The following FAM107B variants were observed in gnomAD, a reference collection of about 807,000 sequenced individuals.
FAM107B encodes the protein protein FAM107B.
In FAM107B, 21 loss-of-function variants were observed where a neutral mutation model predicts 31.5. The ratio of observed to expected loss-of-function variants is 0.67; its 90% CI spans 0.47 to 0.96. The LOEUF (loss-of-function observed/expected upper bound fraction) is 0.96, where lower values mean the gene tolerates loss of function less well. Among genes scored for constraint, FAM107B ranks in the 40% least tolerant of loss-of-function variants. The probability of loss-of-function intolerance (pLI) is 0.00; values close to 1 mark genes in which losing one functional copy is unlikely to be tolerated. For missense variants in FAM107B, 452 were observed against 377.1 expected (o/e 1.20, Z -1.64); for synonymous variants, 157 against 141.5 (o/e 1.11, Z -0.78).
At chr10:14,711,206 C>T (rs1231340492) in intron 1 of FAM107B, among the ~76,000 whole-genome samples, 2 of 152,164 alleles carry the variant, frequency 1.3e-5, no homozygotes, top group African/African-American at 2.4e-5. Flanking sequence ...CCACTGTGCC[C>T]GGCCATAAAA....
At chr10:14,768,113 C>G (rs114288959) in intron 1 of FAM107B, among the ~76,000 whole-genome samples, 427 of 152,120 alleles carry the variant, frequency 2.8e-3, no homozygotes, top group African/African-American at 9.6e-3. Context: ...AAGAAGTGCA[C>G]ATTGAAAACT....
intron 1 of FAM107B, among the ~76,000 whole-genome samples, chr10:14,680,702 C>T (rs1397468843): frequency 6.6e-6 from 1 of 152,100 alleles, no homozygotes; most frequent in Admixed American, 6.5e-5. Context: ...CTAACTTCCT[C>T]TGGCTCAAGG....
chr10:14,579,491 C>T (rs901844170), intron 2 of FAM107B, among the ~76,000 whole-genome samples: 3 of 152,220 alleles, frequency 2.0e-5, no homozygotes, highest in Non-Finnish European at 4.4e-5. Context: ...ATCTCAAAAC[C>T]GTTCCTACCT....
At chr10:14,540,325 G>A (rs1848055033) in intron 2 of FAM107B, among the ~76,000 whole-genome samples, 1 of 152,194 alleles carries the variant, frequency 6.6e-6, no homozygotes, top group South Asian at 2.1e-4. Context: ...GTCCCCAAGG[G>A]CTGTGATCCG....
chr10:14,753,299 C>A (rs1327554172), intron 1 of FAM107B, among the ~76,000 whole-genome samples: 1 of 152,170 alleles, frequency 6.6e-6, no homozygotes, highest in South Asian at 2.1e-4. Context: ...TCCCAACAAC[C>A]CAAGCTCTGC....
At chr10:14,712,626 A>G (rs72770548) in intron 1 of FAM107B, among the ~76,000 whole-genome samples, 11 of 146,940 alleles carry the variant, frequency 7.5e-5, no homozygotes, top group South Asian at 2.1e-4. Context: ...AACAAAAAAA[A>G]AAGAAGAAGA....
At chr10:14,591,952 G>C (rs184733324) in intron 2 of FAM107B, among the ~76,000 whole-genome samples, 1 of 152,216 alleles carries the variant, frequency 6.6e-6, no homozygotes, top group African/African-American at 2.4e-5. Context: ...GGGGGAAGGG[G>C]TGGGGGTAAA....
chr10:14,730,826 A>T (rs1020310818), intron 1 of FAM107B, among the ~76,000 whole-genome samples: 1 of 152,204 alleles, frequency 6.6e-6, no homozygotes, highest in Non-Finnish European at 1.5e-5. Context: ...GTAACTCCTC[A>T]GTCCCGGGCA....
intron 1 of FAM107B, among the ~76,000 whole-genome samples, chr10:14,737,799 T>TCTCTCC (rs1856341241): frequency 6.7e-6 from 1 of 150,298 alleles, no homozygotes; most frequent in Non-Finnish European, 1.5e-5. Flanking sequence ...TCTCTCTCTC[T>TCTCTCC]CCTTCGTTGG....
chr10:14,764,343 G>A (rs1347790384), intron 1 of FAM107B, among the ~76,000 whole-genome samples: 1 of 152,088 alleles, frequency 6.6e-6, no homozygotes, highest in Non-Finnish European at 1.5e-5. Flanking sequence ...TCTCCTTTAG[G>A]ATGGGCAATC....
At chr10:14,572,952 T>A (rs2131276856) in intron 2 of FAM107B, among the ~76,000 whole-genome samples, 1 of 151,912 alleles carries the variant, frequency 6.6e-6, no homozygotes, top group African/African-American at 2.4e-5. Context: ...AGATTGTTAT[T>A]ACTATATTAT....
chr10:14,622,346 T>C (rs1409552901), intron 2 of FAM107B, among the ~76,000 whole-genome samples: 1 of 151,192 alleles, frequency 6.6e-6, no homozygotes. Context: ...CTCGCTGTAT[T>C]GCCCAGGCTG....
At chr10:14,612,069 T>C (rs1852741243) in intron 2 of FAM107B, among the ~76,000 whole-genome samples, 1 of 151,830 alleles carries the variant, frequency 6.6e-6, no homozygotes, top group African/African-American at 2.4e-5. Context: ...CCCAGGCTTG[T>C]CTGGAAGAGA....
intron 1 of FAM107B, among the ~76,000 whole-genome samples, chr10:14,674,072 TA>T (rs547569216): frequency 1.9e-4 from 29 of 152,344 alleles, no homozygotes; most frequent in African/African-American, 7.0e-4. Context: ...GGTAGACCCC[TA>T]TCTCTCACCA....
intron 1 of FAM107B, among the ~76,000 whole-genome samples, chr10:14,674,348 A>G (rs779777447): frequency 7.2e-5 from 11 of 152,236 alleles, no homozygotes; most frequent in Non-Finnish European, 1.3e-4. Context: ...CAAACTATTG[A>G]TCTGACAAGA....
At chr10:14,558,190 C>A (rs1849868758) in intron 2 of FAM107B, among the ~76,000 whole-genome samples, 1 of 135,788 alleles carries the variant, frequency 7.4e-6, no homozygotes, top group Non-Finnish European at 1.7e-5. Flanking sequence ...TGTGTGTGTG[C>A]ACACACTCAC....
At chr10:14,539,053 G>A (rs2130939323) in intron 2 of FAM107B, among the ~76,000 whole-genome samples, 1 of 152,322 alleles carries the variant, frequency 6.6e-6, no homozygotes, top group South Asian at 2.1e-4. Flanking sequence ...AACAAAGTAG[G>A]CAAACAGTCC....
intron 1 of FAM107B, among the ~76,000 whole-genome samples, chr10:14,741,294 G>C (rs1224844180): frequency 6.6e-6 from 1 of 152,198 alleles, no homozygotes; most frequent in Non-Finnish European, 1.5e-5. Flanking sequence ...TGGAGTGTCA[G>C]ACTAGTGAGG....
chr10:14,554,091 G>C, intron 2 of FAM107B: 1 of 984,882 alleles, frequency 1.0e-6, no homozygotes, highest in Non-Finnish European at 1.2e-6. Flanking sequence ...ATGTATAGTA[G>C]ATATGGACTC....
Sources: gnomAD v4.1 joint callset for allele counts (sites outside exome capture counted in the v4.1 genomes callset) on GRCh38, gnomAD v4.1.1 for gene constraint, MANE v1.5 for transcripts, NCBI Gene and HGNC (gene_info 2026-07-23, HGNC 2026-07-21) for gene names.